The following FBXL7 variants were observed in gnomAD, a reference collection of about 807,000 sequenced individuals.
FBXL7 encodes F-box/LRR-repeat protein 7.
In FBXL7, 12 loss-of-function variants were observed where a neutral mutation model predicts 38.3. The observed-to-expected ratio is 0.31, with a 90% CI of 0.20 to 0.51. The LOEUF (loss-of-function observed/expected upper bound fraction) is 0.51, where lower values mean the gene tolerates loss of function less well. Ranked by LOEUF, FBXL7 falls within the 20% of genes least tolerant of loss-of-function variation. The pLI, the probability that FBXL7 is intolerant of heterozygous loss-of-function variation, is 0.98. For missense variants in FBXL7, 567 were observed against 676.4 expected (o/e 0.84, Z 1.79); for synonymous variants, 297 against 300.9 (o/e 0.99, Z 0.13).
intron 2 of FBXL7, among the ~76,000 whole-genome samples, chr5:15,784,725 G>A (rs1737088248): frequency 6.6e-6 from 1 of 152,106 alleles, no homozygotes; most frequent in Non-Finnish European, 1.5e-5. Flanking sequence ...ACCTTCTGCT[G>A]TGTGTAAAAG....
chr5:15,839,021 G>T (rs1190474603), intron 2 of FBXL7, among the ~76,000 whole-genome samples: 2 of 151,064 alleles, frequency 1.3e-5, no homozygotes, highest in African/African-American at 4.9e-5. Context: ...ATGCATTGCA[G>T]TTCCACTCAA....
chr5:15,521,701 C>T (rs75425701), intron 1 of FBXL7, among the ~76,000 whole-genome samples: 1,773 of 152,182 alleles, frequency 0.012, 40 homozygotes, highest in African/African-American at 0.041. Flanking sequence ...AGATCCAAGA[C>T]GTGAAGATGA....
chr5:15,891,670 G>T (rs1740908149), intron 2 of FBXL7, among the ~76,000 whole-genome samples: 1 of 152,156 alleles, frequency 6.6e-6, no homozygotes, highest in Non-Finnish European at 1.5e-5. Context: ...TTTTAAAGAG[G>T]TTATTCTGGA....
In FBXL7 at chr5:15,724,471, G is replaced by C. The variant is rs568584778; in HGVS notation, c.127+108399G>C. Among the ~76,000 whole-genome samples the C allele has an allele frequency of 2.3e-3, 353 of 152,230 alleles. 3 individuals are homozygous for C. The highest frequency in any genetic ancestry group is 8.1e-3 in the African/African-American group (338 of 41,536). ...GATTCAAAATATTCCTATCACTCTA[G>C]TAAGTTCCTTATTGCTCTATTTTGG... On this transcript the variant is annotated intron_variant, in intron 2 of 3. Coordinates refer to ENST00000504595, the MANE Select transcript of FBXL7 (RefSeq NM_012304.5).
At chr5:15,700,145 C>A (rs570803007) in intron 2 of FBXL7, among the ~76,000 whole-genome samples, 39 of 152,132 alleles carry the variant, frequency 2.6e-4, no homozygotes, top group Non-Finnish European at 5.3e-4. Context: ...TTGGGTTGTT[C>A]CCTCCCATTA....
At chr5:15,746,615 A>G (rs1317005467) in intron 2 of FBXL7, among the ~76,000 whole-genome samples, 1 of 151,864 alleles carries the variant, frequency 6.6e-6, no homozygotes, top group African/African-American at 2.4e-5. Flanking sequence ...TCACCTCCCA[A>G]GGGTCCCACT....
chr5:15,708,494 T>A (rs557225016), intron 2 of FBXL7, among the ~76,000 whole-genome samples: 69 of 152,328 alleles, frequency 4.5e-4, no homozygotes, highest in Admixed American at 2.5e-3. Context: ...AATGATAACC[T>A]CTGGCATGCA....
chr5:15,538,849 T>G (rs527721701), intron 1 of FBXL7, among the ~76,000 whole-genome samples: 1 of 152,296 alleles, frequency 6.6e-6, no homozygotes. Flanking sequence ...TATTTTGAGA[T>G]TTATACAAAC....
chr5:15,740,479 C>G (rs1258043297), intron 2 of FBXL7, among the ~76,000 whole-genome samples: 1 of 152,176 alleles, frequency 6.6e-6, no homozygotes, highest in African/African-American at 2.4e-5. Context: ...CTCCCCCATT[C>G]AGGCACAGAG....
At chr5:15,604,159 T>C (rs1739913961) in intron 1 of FBXL7, among the ~76,000 whole-genome samples, 1 of 152,110 alleles carries the variant, frequency 6.6e-6, no homozygotes. Context: ...AGAGTGATAC[T>C]CTGTCTCCAA....
chr5:15,925,399 T>C (rs1160663378), intron 2 of FBXL7, among the ~76,000 whole-genome samples: 3 of 152,216 alleles, frequency 2.0e-5, no homozygotes, highest in Non-Finnish European at 2.9e-5. Flanking sequence ...AATTCAAAGA[T>C]GCTCCATGAG....
rs1351910843 is a variant in FBXL7, at chr5:15,928,982, C to T, written c.739+481C>T. Among the ~76,000 whole-genome samples, 1 of 152,138 alleles carries T rather than the reference C, an allele frequency of 6.6e-6. No homozygotes were observed. Among genetic ancestry groups the T allele is most frequent in the Non-Finnish European group, 1.5e-5 (1 of 68,032 alleles). ...ACCATAGATAGTGCAAACAGGGTAT[C>T]TAAGTGTAGAGAAATAGGAAACAAA... is the stretch of plus-strand genomic sequence containing the variant. On this transcript the variant is annotated intron_variant, in intron 3 of 3. Transcript: ENST00000504595. The surrounding 1 kb of genome is among the most constrained non-coding windows in gnomAD (Gnocchi z 4.0).
chr5:15,784,271 C>G (rs1737076978), intron 2 of FBXL7, among the ~76,000 whole-genome samples: 1 of 152,050 alleles, frequency 6.6e-6, no homozygotes, highest in South Asian at 2.1e-4. Flanking sequence ...AAAATTAGCC[C>G]TGTAGGTCCT....
At chr5:15,624,409 C>T (rs1426426075) in intron 2 of FBXL7, among the ~76,000 whole-genome samples, 3 of 152,200 alleles carry the variant, frequency 2.0e-5, no homozygotes, top group Non-Finnish European at 4.4e-5. Context: ...AGAATCCTCG[C>T]CTGCACTTGT....
chr5:15,823,265 A>G (rs1164446307), intron 2 of FBXL7, among the ~76,000 whole-genome samples: 1 of 152,218 alleles, frequency 6.6e-6, no homozygotes, highest in East Asian at 1.9e-4. Flanking sequence ...ATGTGTGTCA[A>G]CAGGGAATAT....
At chr5:15,859,449 C>G (rs114576523) in intron 2 of FBXL7, among the ~76,000 whole-genome samples, 1 of 152,090 alleles carries the variant, frequency 6.6e-6, no homozygotes, top group East Asian at 1.9e-4. Context: ...TTAGTCCATT[C>G]CACACTGATA....
intron 2 of FBXL7, among the ~76,000 whole-genome samples, chr5:15,852,990 A>C (rs1309800873): frequency 6.6e-6 from 1 of 152,196 alleles, no homozygotes; most frequent in Non-Finnish European, 1.5e-5. Flanking sequence ...AGGGCTGACT[A>C]TTGTAAGCTT....
rs552610010 is a variant in FBXL7 at position 15,520,490 on chromosome 5, G to A, written c.37+19777G>A. Among the ~76,000 whole-genome samples the A allele has an allele frequency of 2.6e-5, 4 of 152,236 alleles. No individual in the cohort carries two copies. In the South Asian group the frequency reaches 8.3e-4, roughly 32 times the overall value. On this transcript the variant is annotated intron_variant, in intron 1 of 3. Transcript: ENST00000504595. ...TATGTTGTGGGTATGTGTGTTTATG[G>A]TTTATATGTATACGTGCACTATTTC...
At chr5:15,816,214 C>T (rs564263553) in intron 2 of FBXL7, among the ~76,000 whole-genome samples, 3 of 151,990 alleles carry the variant, frequency 2.0e-5, no homozygotes, top group African/African-American at 7.2e-5. Flanking sequence ...AACCTAAGTG[C>T]CCATCAGCCC....
Sources: gnomAD v4.1 joint callset for allele counts (sites outside exome capture counted in the v4.1 genomes callset) on GRCh38, gnomAD v4.1.1 for gene constraint, Gnocchi (gnomAD v3.1) non-coding constraint, MANE v1.5 for transcripts, NCBI Gene and HGNC (gene_info 2026-07-23, HGNC 2026-07-21) for gene names.